Variants in SGCD observed in about 807,000 individuals in gnomAD.
SGCD encodes delta-sarcoglycan.
In SGCD, 18 loss-of-function variants were observed where a neutral mutation model predicts 36.6. The ratio of observed to expected loss-of-function variants is 0.49; its 90% confidence interval spans 0.34 to 0.73. The LOEUF (loss-of-function observed/expected upper bound fraction) is 0.73, where lower values mean the gene tolerates loss of function less well. SGCD is among the 30% of genes least tolerant of loss of function. SGCD has a pLI of 0.01. For missense variants in SGCD, 387 were observed against 346.7 expected, an observed-to-expected ratio of 1.12 and a Z score of -0.92; for synonymous variants, 133 against 130.6, an observed-to-expected ratio of 1.02 and a Z score of -0.12.
chr5:155,790,823 A>C, the SGCD span, among the ~76,000 whole-genome samples: 13 of 152,208 alleles, frequency 8.5e-5, no homozygotes, highest in Non-Finnish European at 1.5e-4. Context: ...ATTTTATAGT[A>C]CTCTAAGTAG....
intron 6 of SGCD, among the ~76,000 whole-genome samples, chr5:156,602,977 C>G (rs1417012706): frequency 6.6e-6 from 1 of 151,984 alleles, no homozygotes; most frequent in African/African-American, 2.4e-5. Flanking sequence ...GAAGTGTTTC[C>G]TCTTCTCTGA....
the SGCD span, among the ~76,000 whole-genome samples, chr5:155,847,970 A>G: frequency 6.6e-6 from 1 of 152,190 alleles, no homozygotes; most frequent in Non-Finnish European, 1.5e-5. Context: ...TTTGTGAATG[A>G]TATATTCTTT....
chr5:156,688,034 G>A (rs157667), intron 7 of SGCD, among the ~76,000 whole-genome samples: 3,617 of 152,230 alleles, frequency 0.024, 146 homozygotes, highest in East Asian at 0.16. Flanking sequence ...GTGTACTACA[G>A]AACACTTCAG....
chr5:156,285,809 C>A (rs371421785), intron 3 of SGCD, among the ~76,000 whole-genome samples: 24,452 of 151,880 alleles, frequency 0.16, 2,146 homozygotes, highest in Admixed American at 0.21. Context: ...GCAACAAAAG[C>A]CAAAATTGAC....
intron 2 of SGCD, among the ~76,000 whole-genome samples, chr5:156,121,843 G>A (rs927203906): frequency 3.9e-5 from 6 of 152,030 alleles, no homozygotes; most frequent in African/African-American, 1.2e-4. Flanking sequence ...AGAAATAATG[G>A]CATGGAAGCA....
chr5:156,356,902 C>T (rs534129944), intron 3 of SGCD, among the ~76,000 whole-genome samples: 3 of 151,988 alleles, frequency 2.0e-5, no homozygotes, highest in South Asian at 2.1e-4. Context: ...ATGATAGGAC[C>T]GCCAATTAAG....
chr5:156,045,730 G>A (rs1759748383), intron 1 of SGCD, among the ~76,000 whole-genome samples: 1 of 152,110 alleles, frequency 6.6e-6, no homozygotes, highest in African/African-American at 2.4e-5. Context: ...CATATGCATG[G>A]AAAGAGAGAG....
At chr5:155,994,145 A>G (rs1758491394) in intron 1 of SGCD, among the ~76,000 whole-genome samples, 1 of 152,216 alleles carries the variant, frequency 6.6e-6, no homozygotes, top group South Asian at 2.1e-4. Context: ...TGCCACAGAC[A>G]TGCTAGACAT....
chr5:155,756,762 C>T, the SGCD span, among the ~76,000 whole-genome samples: 1 of 152,168 alleles, frequency 6.6e-6, no homozygotes, highest in Non-Finnish European at 1.5e-5. Context: ...TTAAACACTT[C>T]CCTGAGAAGC....
At chr5:156,711,587 G>A (rs1250934012) in intron 7 of SGCD, among the ~76,000 whole-genome samples, 1 of 152,134 alleles carries the variant, frequency 6.6e-6, no homozygotes, top group Admixed American at 6.5e-5. Context: ...GTGACTTCAG[G>A]GAAAGGTTGA....
At chr5:156,521,016 C>CAAAAAAAAAAAAAAAAAAAAAAAAAA (rs3075012) in intron 4 of SGCD, among the ~76,000 whole-genome samples, 2 of 56,730 alleles carry the variant, frequency 3.5e-5, no homozygotes, top group Non-Finnish European at 6.8e-5. Context: ...GACTCCGTCT[C>CAAAAAAAAAAAAAAAAAAAAAAAAAA]AAAAAAAAAA....
intron 6 of SGCD, among the ~76,000 whole-genome samples, chr5:156,608,879 T>A (rs1161875144): frequency 1.3e-5 from 2 of 152,046 alleles, no homozygotes; most frequent in African/African-American, 2.4e-5. Context: ...CTGCCTTTTT[T>A]TGTTTTCCAT....
At chr5:155,872,917 T>TA (rs1329634625) in intron 1 of SGCD, among the ~76,000 whole-genome samples, 3 of 152,130 alleles carry the variant, frequency 2.0e-5, no homozygotes, top group Non-Finnish European at 2.9e-5. Flanking sequence ...CTTCGTGTGT[T>TA]AAAAAAATGT....
chr5:155,926,326 C>T (rs965274668), intron 1 of SGCD, among the ~76,000 whole-genome samples: 8 of 152,062 alleles, frequency 5.3e-5, no homozygotes, highest in Admixed American at 4.6e-4. Context: ...ATGTTTGTGC[C>T]GCCTGTGGCT....
At chr5:156,046,952 TA>T (rs1405154522) in intron 1 of SGCD, among the ~76,000 whole-genome samples, 7 of 152,112 alleles carry the variant, frequency 4.6e-5, no homozygotes. Flanking sequence ...TGAAGAAAAT[TA>T]AAAGTGCTAT....
intron 6 of SGCD, among the ~76,000 whole-genome samples, chr5:156,611,226 A>C (rs1761787998): frequency 6.6e-6 from 1 of 152,128 alleles, no homozygotes; most frequent in African/African-American, 2.4e-5. Context: ...AGCTTTATAC[A>C]TTCCTGTGTT....
At chr5:155,812,994 G>A in the SGCD span, among the ~76,000 whole-genome samples, 2 of 152,010 alleles carry the variant, frequency 1.3e-5, no homozygotes, top group African/African-American at 4.8e-5. Context: ...GTGTCTTTGG[G>A]CATCTTATTT....
chr5:156,710,326 G>A (rs1044374128), intron 7 of SGCD, among the ~76,000 whole-genome samples: 24 of 152,108 alleles, frequency 1.6e-4, no homozygotes, highest in African/African-American at 5.8e-4. Context: ...TATACCCTGT[G>A]GCAGTATTAC....
intron 3 of SGCD, among the ~76,000 whole-genome samples, chr5:156,312,482 A>G (rs563330128): frequency 1.3e-5 from 2 of 152,334 alleles, no homozygotes; most frequent in African/African-American, 4.8e-5. Flanking sequence ...TTAAAATTAC[A>G]TTAGTCTATT....
Sources: gnomAD v4.1 joint callset for allele counts (sites outside exome capture counted in the v4.1 genomes callset) on GRCh38, gnomAD v4.1.1 for gene constraint, MANE v1.5 for transcripts, NCBI Gene and HGNC (gene_info 2026-07-23, HGNC 2026-07-21) for gene names.